The following CAST variants were observed in gnomAD, a reference collection of about 807,000 sequenced individuals.
CAST encodes calpastatin.
A neutral mutation model predicts 119.6 loss-of-function variants in CAST; 76 were observed. The observed-to-expected ratio is 0.64, with a 90% CI of 0.53 to 0.77. CAST has a LOEUF of 0.77. Ranked by LOEUF, CAST falls within the 30% of genes least tolerant of loss-of-function variation. The pLI, the probability that CAST is intolerant of heterozygous loss-of-function variation, is 0.00. For synonymous variants in CAST, 319 were observed against 331.6 expected (o/e 0.96, Z 0.41); for missense variants, 953 against 946.5 (o/e 1.01, Z -0.09).
At chr5:96,458,262 C>T in the CAST span, among the ~76,000 whole-genome samples, 1 of 152,190 alleles carries the variant, frequency 6.6e-6, no homozygotes, top group Non-Finnish European at 1.5e-5. Context: ...CAGCCACACT[C>T]ATTTGTTTAT....
At chr5:96,469,856 TATGTGTGTGTATATATATATATAATA>T in the CAST span, among the ~76,000 whole-genome samples, 1 of 111,942 alleles carries the variant, frequency 8.9e-6, no homozygotes, top group South Asian at 2.5e-4. Flanking sequence ...AATATATATA[TATGTGTGTGTATATATATATATAATA>T]TATATATACA....
At chr5:96,265,732 T>G in the CAST span, among the ~76,000 whole-genome samples, 2 of 152,196 alleles carry the variant, frequency 1.3e-5, no homozygotes, top group East Asian at 3.8e-4. Flanking sequence ...AGTTGACACA[T>G]AAAATTAACC....
chr5:96,669,097 C>T (rs1368665370), intron 1 of CAST, among the ~76,000 whole-genome samples: 1 of 152,204 alleles, frequency 6.6e-6, no homozygotes, highest in Non-Finnish European at 1.5e-5. Context: ...CAGCAAAGTT[C>T]CACTACAATT....
chr5:96,434,607 G>GTTT, the CAST span, among the ~76,000 whole-genome samples: 3 of 147,306 alleles, frequency 2.0e-5, no homozygotes, highest in Non-Finnish European at 1.5e-5. Flanking sequence ...TGGGAAGTTT[G>GTTT]TTTTTTTTTT....
the CAST span, among the ~76,000 whole-genome samples, chr5:96,254,034 G>A: frequency 2.0e-5 from 3 of 148,802 alleles, no homozygotes; most frequent in African/African-American, 7.4e-5. Flanking sequence ...GTGGGATGGG[G>A]TGGGTTAGCA....
intron 2 of CAST, among the ~76,000 whole-genome samples, chr5:96,694,603 C>A (rs554840294): frequency 1.3e-5 from 2 of 152,076 alleles, no homozygotes; most frequent in South Asian, 4.1e-4. Flanking sequence ...TGCACTCCAG[C>A]CTGGGTGACA....
chr5:96,244,802 T>A, the CAST span, among the ~76,000 whole-genome samples: 1 of 152,178 alleles, frequency 6.6e-6, no homozygotes, highest in East Asian at 1.9e-4. Flanking sequence ...GGTGTGAAAA[T>A]TTTTAAGTGG....
At chr5:96,234,832 G>A in the CAST span, among the ~76,000 whole-genome samples, 4 of 152,100 alleles carry the variant, frequency 2.6e-5, no homozygotes, top group Non-Finnish European at 5.9e-5. Context: ...GTGTGTATGT[G>A]TGTGTGTGTT....
intron 7 of CAST, 163 bp from the exon 8 acceptor site, chr5:96,729,449 T>C: frequency 1.6e-6 from 1 of 617,978 alleles, no homozygotes; most frequent in Non-Finnish European, 2.9e-6. Flanking sequence ...TTGTCACATG[T>C]ACATCACACT....
intron 1 of CAST, among the ~76,000 whole-genome samples, chr5:96,620,257 A>G (rs932414617): frequency 6.6e-6 from 1 of 151,958 alleles, no homozygotes; most frequent in African/African-American, 2.4e-5. Flanking sequence ...CTCATGATAA[A>G]AAGGTGATGC....
the CAST span, among the ~76,000 whole-genome samples, chr5:96,118,905 C>T: frequency 6.6e-6 from 1 of 152,024 alleles, no homozygotes; most frequent in East Asian, 1.9e-4. Flanking sequence ...CTACTCCAAT[C>T]AGCAGGGCAG....
chr5:96,617,790 T>TAAAAAAAAAAAAACAAAAAA (rs1747496257), intron 1 of CAST, among the ~76,000 whole-genome samples: 1 of 21,972 alleles, frequency 4.6e-5, no homozygotes, highest in African/African-American at 1.2e-4. Context: ...AAATTCCATC[T>TAAAAAAAAAAAAACAAAAAA]AAAAAAAAAA....
the CAST span, among the ~76,000 whole-genome samples, chr5:96,507,683 G>A: frequency 2.6e-5 from 4 of 152,166 alleles, no homozygotes; most frequent in African/African-American, 9.7e-5. Flanking sequence ...TACCCAGGGT[G>A]CTCTGTCCTC....
At chr5:96,680,161 C>T (rs1340059322) in intron 2 of CAST, among the ~76,000 whole-genome samples, 3 of 150,430 alleles carry the variant, frequency 2.0e-5, no homozygotes, top group Admixed American at 6.6e-5. Flanking sequence ...CCAGCCTGGC[C>T]GATATGGTGA....
At chr5:96,742,826 G>A in intron 16 of CAST, 70 bp downstream of exon 16, 1 of 1,042,520 alleles carries the variant, frequency 9.6e-7, no homozygotes, top group Non-Finnish European at 1.5e-6. Context: ...CACTCTGCAT[G>A]TTTAGAATTC....
At chr5:96,482,828 A>G in the CAST span, among the ~76,000 whole-genome samples, 13 of 152,190 alleles carry the variant, frequency 8.5e-5, no homozygotes, top group Admixed American at 8.5e-4. Context: ...AACCCAAGGA[A>G]AAATGGAGCC....
upstream of CAST, among the ~76,000 whole-genome samples, chr5:96,525,737 GA>G (rs1371082922): frequency 6.6e-6 from 1 of 152,052 alleles, no homozygotes; most frequent in Non-Finnish European, 1.5e-5. Context: ...AGCATCATAG[GA>G]AACCAAACAA....
chr5:96,275,966 C>T, the CAST span, among the ~76,000 whole-genome samples: 2 of 152,262 alleles, frequency 1.3e-5, no homozygotes, highest in East Asian at 3.9e-4. Flanking sequence ...ATCCTTTTTC[C>T]AAAAGCTATT....
the CAST span, among the ~76,000 whole-genome samples, chr5:95,989,264 TG>T: frequency 1.3e-5 from 2 of 152,220 alleles, no homozygotes; most frequent in Non-Finnish European, 2.9e-5. Context: ...ATGTTTCTGT[TG>T]GCAAAGTTAC....
Sources: allele counts gnomAD v4.1 joint callset (sites outside exome capture counted in the v4.1 genomes callset), GRCh38; gene constraint gnomAD v4.1.1; transcripts MANE v1.5; gene names NCBI Gene and HGNC (gene_info 2026-07-23, HGNC 2026-07-21).